CTDSPL: variants seen among roughly 807,000 people sequenced by gnomAD.
CTDSPL encodes CTD small phosphatase like.
CTDSPL carries 8 observed loss-of-function variants against 30.5 expected under a neutral mutation model. The ratio of observed to expected loss-of-function variants is 0.26; its 90% CI spans 0.15 to 0.47. The LOEUF is 0.47. Ranked by LOEUF, CTDSPL falls within the 20% of genes least tolerant of loss-of-function variation. The pLI is 0.99. For missense variants in CTDSPL, 248 were observed against 366.1 expected (o/e 0.68, Z 2.63); for synonymous variants, 110 against 137.9 (o/e 0.80, Z 1.42).
chr3:37,949,034 A>G (rs1027601323), intron 2 of CTDSPL, among the ~76,000 whole-genome samples: 6 of 151,280 alleles, frequency 4.0e-5, no homozygotes, highest in Non-Finnish European at 8.8e-5. Flanking sequence ...GTTAGCCAGG[A>G]TGGTCTCGAT....
rs114916690 is a variant in CTDSPL, at chr3:37,967,891, C to T, written c.426+9C>T. 3,070 of 1,576,206 alleles carry T rather than the reference C, an allele frequency of 1.9e-3. 43 individuals are homozygous for T. In the African/African-American group the frequency reaches 0.036, roughly 18 times the overall value. ...ATGGAACTATACATCAGGTAAGAAA[C>T]TGAAGCTAAATTTGAGTTTCAATTA... On this transcript the variant is annotated intron_variant, in intron 5 of 7. Transcript: ENST00000273179.
rs573722431 is a variant in CTDSPL, at chr3:37,867,090, CAG to C, written c.79+4815_79+4816del. Among the ~76,000 whole-genome samples the C allele has an allele frequency of 2.2e-3, 328 of 152,234 alleles. 4 individuals are homozygous for C. Among genetic ancestry groups the C allele is most frequent in the Middle Eastern group, 6.8e-3 (2 of 294 alleles). ...CAGGAGGATCCCTCCTGTTGCCCTT[CAG>C]AGTCACACTGCTTCCCTCCCATGCC... On this transcript the variant is annotated intron_variant, in intron 1 of 7. Transcript: ENST00000273179.
intron 5 of CTDSPL, among the ~76,000 whole-genome samples, chr3:37,969,782 G>A (rs1015704868): frequency 2.4e-4 from 37 of 152,168 alleles, no homozygotes; most frequent in African/African-American, 7.5e-4. Context: ...CCAGCCCCTC[G>A]CTCCACCCTC....
intron 1 of CTDSPL, among the ~76,000 whole-genome samples, chr3:37,935,467 C>CT (rs1559638233): frequency 6.6e-6 from 1 of 152,184 alleles, no homozygotes; most frequent in African/African-American, 2.4e-5. Context: ...TAAACAGACT[C>CT]TGTGCAGTGA....
intron 2 of CTDSPL, among the ~76,000 whole-genome samples, chr3:37,949,144 AG>A (rs1328163012): frequency 1.3e-5 from 2 of 152,198 alleles, no homozygotes; most frequent in Admixed American, 1.3e-4. Context: ...TACTTATCAA[AG>A]ATATTTTTAA....
intron 1 of CTDSPL, among the ~76,000 whole-genome samples, chr3:37,869,434 A>G (rs1432251321): frequency 6.6e-6 from 1 of 152,092 alleles, no homozygotes; most frequent in East Asian, 1.9e-4. Flanking sequence ...TAACATGCAG[A>G]CATACAAAAG....
intron 3 of CTDSPL, among the ~76,000 whole-genome samples, chr3:37,960,555 C>T (rs1699233363): frequency 8.2e-6 from 1 of 122,148 alleles, no homozygotes; most frequent in Non-Finnish European, 1.7e-5. Flanking sequence ...CACACACACA[C>T]ACACACACAC....
chr3:37,968,805 G>A (rs760486128), intron 5 of CTDSPL, among the ~76,000 whole-genome samples: 5 of 152,220 alleles, frequency 3.3e-5, no homozygotes, highest in South Asian at 2.1e-4. Flanking sequence ...CTGAGGCTCC[G>A]CCAGGGAAGG....
intron 5 of CTDSPL, chr3:37,969,302 C>T (rs1699336227): frequency 2.1e-6 from 1 of 465,186 alleles, no homozygotes; most frequent in Non-Finnish European, 4.4e-6. Context: ...CCTGGCTGTG[C>T]TGTGATATCA....
At chr3:37,955,846 A>G (rs886124623) in intron 2 of CTDSPL, among the ~76,000 whole-genome samples, 5 of 151,662 alleles carry the variant, frequency 3.3e-5, no homozygotes, top group Non-Finnish European at 7.4e-5. Flanking sequence ...CTAAAATAAA[A>G]GTTTTTTTAA....
intron 1 of CTDSPL, among the ~76,000 whole-genome samples, chr3:37,876,809 T>C (rs1698139561): frequency 6.6e-6 from 1 of 152,032 alleles, no homozygotes; most frequent in Non-Finnish European, 1.5e-5. Flanking sequence ...CTTATTATGA[T>C]AAAATACATA....
At chr3:37,947,684 A>T (rs1699055543) in intron 2 of CTDSPL, among the ~76,000 whole-genome samples, 1 of 152,246 alleles carries the variant, frequency 6.6e-6, no homozygotes, top group South Asian at 2.1e-4. Context: ...GCAACTAAGG[A>T]TTATATTTGA....
intron 4 of CTDSPL, among the ~76,000 whole-genome samples, chr3:37,965,354 A>G (rs1001010007): frequency 2.0e-5 from 3 of 152,202 alleles, no homozygotes; most frequent in African/African-American, 7.2e-5. Context: ...GCCTCCATGC[A>G]GGAAGAGCTG....
chr3:37,982,926 C>T lies in CTDSPL; in HGVS notation c.*2059C>T. ...AGCCTTAGACCCTCAACCATGCCCCCTTCGTTGGCATCACAGGGCCTTATT... is the reference window on the plus strand; with the variant it reads ...AGCCTTAGACCCTCAACCATGCCCCTTTCGTTGGCATCACAGGGCCTTATT... On this transcript the variant is annotated 3_prime_UTR_variant, in exon 8 of 8. Transcript: ENST00000273179. The T allele has an allele frequency of 4.7e-6, 1 of 212,046 alleles. No homozygotes were observed. Among genetic ancestry groups the T allele is most frequent in the Non-Finnish European group, 9.9e-6 (1 of 100,922 alleles). 13.1% of individuals were successfully genotyped at this position (212,046 alleles called of 1,614,324 possible). A position where few individuals can be genotyped will look rare whatever the true frequency, so the allele number is the denominator to read the frequency against.
At chr3:37,893,818 C>T (rs1021951337) in intron 1 of CTDSPL, among the ~76,000 whole-genome samples, 3 of 152,160 alleles carry the variant, frequency 2.0e-5, no homozygotes, top group African/African-American at 7.2e-5. Flanking sequence ...TTCTTGCACA[C>T]TATTCAGTAT....
At position 37,932,228 on chromosome 3, in the gene CTDSPL, A is replaced by C. The variant is rs9862100; in HGVS notation, c.80-14829A>C. On this transcript the variant is annotated intron_variant, in intron 1 of 7. Transcript: ENST00000273179. ...TACTGTATACCAGGACAAACCCCAAACAGTTAAATGTTTACTTTAAAAGAT... is the reference window on the plus strand; with the variant it reads ...TACTGTATACCAGGACAAACCCCAACCAGTTAAATGTTTACTTTAAAAGAT... Among the ~76,000 whole-genome samples the C allele has an allele frequency of 4.3e-3, 655 of 152,336 alleles. 8 individuals are homozygous for C. The highest frequency in any genetic ancestry group is 0.015 in the African/African-American group (623 of 41,576).
At chr3:37,911,516 G>A (rs966706206) in intron 1 of CTDSPL, among the ~76,000 whole-genome samples, 1 of 152,140 alleles carries the variant, frequency 6.6e-6, no homozygotes, top group Non-Finnish European at 1.5e-5. Flanking sequence ...AGGCTGAGGG[G>A]TGAGGGAATA....
At chr3:37,979,668 G>A (rs1016104206) in intron 7 of CTDSPL, among the ~76,000 whole-genome samples, 3 of 152,224 alleles carry the variant, frequency 2.0e-5, no homozygotes, top group African/African-American at 4.8e-5. Flanking sequence ...GGAGGCTGAG[G>A]TGGAAGGATC....
chr3:37,938,775 G>C (rs1698944017), intron 1 of CTDSPL, among the ~76,000 whole-genome samples: 1 of 148,864 alleles, frequency 6.7e-6, no homozygotes, highest in Non-Finnish European at 1.5e-5. Flanking sequence ...CCGCCTCCTG[G>C]GTTCAAACGA....
Sources: allele counts gnomAD v4.1 joint callset (sites outside exome capture counted in the v4.1 genomes callset), GRCh38; gene constraint gnomAD v4.1.1; transcripts MANE v1.5; gene names NCBI Gene and HGNC (gene_info 2026-07-23, HGNC 2026-07-21).